NFATC3: variants seen among roughly 807,000 people sequenced by gnomAD.
NFATC3 encodes nuclear factor of activated T cells 3, also known as nuclear factor of activated T-cells, cytoplasmic 3.
NFATC3 carries 46 observed loss-of-function variants against 98.6 expected under a neutral mutation model. The observed-to-expected ratio is 0.47, with a 90% CI of 0.37 to 0.60. The LOEUF is 0.60. NFATC3 is among the 20% of genes least tolerant of loss of function. NFATC3 has a pLI of 0.00. For synonymous variants in NFATC3, 512 were observed against 472.2 expected (o/e 1.08, Z -1.09); for missense variants, 1,256 against 1,295.5 (o/e 0.97, Z 0.47).
chr16:68,142,913 A>T (rs2037833351), intron 3 of NFATC3, among the ~76,000 whole-genome samples: 1 of 151,918 alleles, frequency 6.6e-6, no homozygotes, highest in Non-Finnish European at 1.5e-5. Flanking sequence ...TCTGGCTAGG[A>T]TTTCCTGTAT....
intron 3 of NFATC3, among the ~76,000 whole-genome samples, chr16:68,133,091 C>T (rs1350735864): frequency 6.6e-6 from 1 of 152,066 alleles, no homozygotes; most frequent in African/African-American, 2.4e-5. Flanking sequence ...CATGGTGAAA[C>T]CCTGTGTCTA....
At chr16:68,217,897 A>G in intron 9 of NFATC3, 1 of 1,226,262 alleles carries the variant, frequency 8.2e-7, no homozygotes, top group Non-Finnish European at 1.0e-6. Flanking sequence ...AAGCCAGGAA[A>G]TATACTCTGT....
chr16:68,135,427 C>A (rs2037341932), intron 3 of NFATC3, among the ~76,000 whole-genome samples: 1 of 129,870 alleles, frequency 7.7e-6, no homozygotes, highest in African/African-American at 3.0e-5. Flanking sequence ...CGCTGCACTC[C>A]AACCTGGGGG....
At position 68,221,909 on chromosome 16, in the gene NFATC3, G is replaced by A. The variant is rs546387329; in HGVS notation, c.3107-4441G>A. Among the ~76,000 whole-genome samples the A allele has an allele frequency of 2.0e-5, 3 of 152,228 alleles. No individual in the cohort carries two copies. The East Asian group carries it at 5.8e-4, about 29-fold the overall frequency. On this transcript the variant is annotated intron_variant, in intron 9 of 9. Transcript: ENST00000346183. ...AAATGATGGTTTCATCCTTATATAAGTGTACTTGGTAAGTGGATGGACAGT... is the reference window on the plus strand; with the variant it reads ...AAATGATGGTTTCATCCTTATATAAATGTACTTGGTAAGTGGATGGACAGT...
At position 68,191,212 on chromosome 16, in the gene NFATC3, C is replaced by G. The variant is rs1002945902; in HGVS notation, c.2543C>G (p.Pro848Arg). 2.5e-6 allele frequency: 4 copies of G among 1,614,066 alleles called. No individual in the cohort carries two copies. In the African/African-American group the frequency reaches 5.3e-5, roughly 22 times the overall value. ...LSGLVNLGCQ[P>R]LSSIPFHSSN... is the part of the protein sequence containing the mutation. Reference sequence around the variant, plus strand: ...GGTTTAGTGAATCTTGGCTGTCAACCACTGTCATCCATACCATTTCATTCT... The same window carrying G: ...GGTTTAGTGAATCTTGGCTGTCAACGACTGTCATCCATACCATTTCATTCT... The change falls in exon 9 of 10, where the codon CCA (proline) becomes CGA (arginine). Residue 848 changes from proline to arginine, a missense_variant. By Grantham distance (103) the Pro-to-Arg change is moderately radical (BLOSUM62 -2). Transcript: ENST00000346183.
chr16:68,169,198 C>T (rs1338441923), intron 5 of NFATC3, among the ~76,000 whole-genome samples: 1 of 152,182 alleles, frequency 6.6e-6, no homozygotes, highest in African/African-American at 2.4e-5. Context: ...GCTACCATTG[C>T]CAGCTTCTTA....
At chr16:68,091,750 C>A (rs762467338) in intron 1 of NFATC3, among the ~76,000 whole-genome samples, 1 of 152,168 alleles carries the variant, frequency 6.6e-6, no homozygotes, top group Non-Finnish European at 1.5e-5. Flanking sequence ...ACAGCAGTAA[C>A]ATAAATAAGG....
intron 1 of NFATC3, among the ~76,000 whole-genome samples, chr16:68,092,635 G>T (rs1282412988): frequency 7.3e-6 from 1 of 137,786 alleles, no homozygotes; most frequent in African/African-American, 2.6e-5. Context: ...TGGGTGCAGT[G>T]CCCTGTGCCT....
intron 1 of NFATC3, among the ~76,000 whole-genome samples, chr16:68,110,774 T>C (rs901174064): frequency 2.0e-5 from 3 of 152,158 alleles, no homozygotes; most frequent in Non-Finnish European, 4.4e-5. Context: ...TTTTCTGGCT[T>C]TTTGATGTGG....
chr16:68,134,241 A>G (rs2037269907), intron 3 of NFATC3, among the ~76,000 whole-genome samples: 2 of 152,116 alleles, frequency 1.3e-5, no homozygotes, highest in Admixed American at 1.3e-4. Flanking sequence ...GACCCATTGC[A>G]ACCTCAAACT....
intron 6 of NFATC3, among the ~76,000 whole-genome samples, chr16:68,179,036 CAGCTGCTTGTTA>C (rs995479505): frequency 1.3e-5 from 2 of 152,204 alleles, no homozygotes; most frequent in Non-Finnish European, 1.5e-5. Flanking sequence ...TACAGCATCA[CAGCTGCTTGTTA>C]AGTCTCTATA....
At chr16:68,148,578 C>T (rs2038155550) in intron 3 of NFATC3, among the ~76,000 whole-genome samples, 2 of 152,044 alleles carry the variant, frequency 1.3e-5, no homozygotes. Flanking sequence ...TGAGAAAGAA[C>T]CAATAAGCAA....
intron 2 of NFATC3, among the ~76,000 whole-genome samples, chr16:68,123,353 A>G (rs1039825791): frequency 1.2e-4 from 19 of 152,262 alleles, no homozygotes; most frequent in Admixed American, 1.2e-3. Context: ...AATTGTTGAT[A>G]ATAATAAATT....
At chr16:68,168,652 A>C (rs113297716) in intron 5 of NFATC3, among the ~76,000 whole-genome samples, 1,996 of 150,946 alleles carry the variant, frequency 0.013, 42 homozygotes, top group African/African-American at 0.046. Context: ...CACCCAGCTA[A>C]TTTTTGTATT....
rs188023333 is a variant in NFATC3 at position 68,196,971 on chromosome 16, G to C, written c.3106+5196G>C. Among the ~76,000 whole-genome samples the C allele has an allele frequency of 2.4e-3, 368 of 151,978 alleles. 1 individual carries two copies. Among genetic ancestry groups the C allele is most frequent in the African/African-American group, 8.1e-3 (337 of 41,456 alleles). On this transcript the variant is annotated intron_variant, in intron 9 of 9. Transcript: ENST00000346183. Reference sequence around the variant, plus strand: ...CTTGAACCTGGGAGGCTGAGGTTGCGGTGAGCCGAGATTGCGCCATTGCAA... The same window carrying C: ...CTTGAACCTGGGAGGCTGAGGTTGCCGTGAGCCGAGATTGCGCCATTGCAA...
intron 3 of NFATC3, among the ~76,000 whole-genome samples, chr16:68,147,873 G>C (rs1466206969): frequency 6.6e-6 from 1 of 151,360 alleles, no homozygotes; most frequent in South Asian, 2.1e-4. Context: ...TGAATCTCAC[G>C]TGGCATTATT....
chr16:68,111,468 T>G lies in NFATC3; in HGVS notation c.104-10519T>G, dbSNP rs189345136. 5.9e-4 allele frequency among the ~76,000 whole-genome samples: 90 copies of G among 152,310 alleles called. 2 individuals are homozygous for G. The highest frequency in any genetic ancestry group is 3.5e-3 in the South Asian group (17 of 4,828). ...CCCCTGCTTTTTTCCTGCCTTCCATTTGCTTTGTAAATTTTCCTCCATCTC... is the reference window on the plus strand; with the variant it reads ...CCCCTGCTTTTTTCCTGCCTTCCATGTGCTTTGTAAATTTTCCTCCATCTC... On this transcript the variant is annotated intron_variant, in intron 1 of 9. Transcript: ENST00000346183.
intron 8 of NFATC3, among the ~76,000 whole-genome samples, chr16:68,183,886 C>T (rs182538891): frequency 6.6e-6 from 1 of 151,466 alleles, no homozygotes; most frequent in Middle Eastern, 3.4e-3. Flanking sequence ...GCATTCCTGT[C>T]GTCCCAGCTA....
chr16:68,219,584 A>G lies in NFATC3; in HGVS notation c.3107-6766A>G, dbSNP rs190438390. On this transcript the variant is annotated intron_variant, in intron 9 of 9. Transcript: ENST00000346183. ...ACTGTCTCCTAAAATAATAATAGTAATAATAATAATAATAACACCTTCATA... is the reference window on the plus strand; with the variant it reads ...ACTGTCTCCTAAAATAATAATAGTAGTAATAATAATAATAACACCTTCATA... 3.0e-3 allele frequency among the ~76,000 whole-genome samples: 461 copies of G among 151,746 alleles called. 2 individuals carry two copies. The highest frequency in any genetic ancestry group is 4.5e-3 in the Non-Finnish European group (306 of 67,884).
Sources: gnomAD v4.1 joint callset for allele counts (sites outside exome capture counted in the v4.1 genomes callset) on GRCh38, gnomAD v4.1.1 for gene constraint, MANE v1.5 for transcripts, NCBI Gene and HGNC (gene_info 2026-07-23, HGNC 2026-07-21) for gene names.